The following ADAD1 variants were observed in gnomAD, a reference collection of about 807,000 sequenced individuals.
The protein encoded by ADAD1 is adenosine deaminase domain-containing protein 1.
Under a neutral mutation model 66.8 loss-of-function variants are expected in ADAD1, and 46 were observed. That is an observed-to-expected ratio of 0.69 (90% CI 0.54 to 0.88). The LOEUF is 0.88. ADAD1 is among the 40% of genes least tolerant of loss of function. The pLI is 0.00. For missense variants in ADAD1, 617 were observed against 681.8 expected, an observed-to-expected ratio of 0.91 and a Z score of 1.06; for synonymous variants, 248 against 229.4, an observed-to-expected ratio of 1.08 and a Z score of -0.73.
At chr4:122,415,729 T>C in intron 11 of ADAD1, 113 bp downstream of exon 11, 1 of 925,108 alleles carries the variant, frequency 1.1e-6, no homozygotes, top group South Asian at 1.8e-5. Context: ...TGAACAATAA[T>C]TATTATCATT....
chr4:122,383,403 AC>A (rs1794997933), intron 4 of ADAD1, among the ~76,000 whole-genome samples: 1 of 152,168 alleles, frequency 6.6e-6, no homozygotes, highest in African/African-American at 2.4e-5. Flanking sequence ...AGTTTTAAAG[AC>A]GTTTGTATTT....
chr4:122,393,558 A>G (rs1457865061), intron 5 of ADAD1, 31 bp from the exon 6 acceptor site: 3 of 1,535,458 alleles, frequency 2.0e-6, no homozygotes, highest in Admixed American at 2.1e-5. Flanking sequence ...TTGAAGTTTC[A>G]TGTTTCCTTA....
intron 5 of ADAD1, among the ~76,000 whole-genome samples, chr4:122,386,844 G>A (rs1271657414): frequency 6.6e-6 from 1 of 152,142 alleles, no homozygotes; most frequent in African/African-American, 2.4e-5. Context: ...TCAGATGGTT[G>A]TAGATGTGTG....
intron 9 of ADAD1, 121 bp from the exon 10 acceptor site, chr4:122,412,459 T>C (rs1366652716): frequency 2.8e-5 from 22 of 772,850 alleles, no homozygotes; most frequent in Non-Finnish European, 4.3e-5. Context: ...TCTGTTTCTG[T>C]TACTGGAATT....
chr4:122,404,194 G>C (rs1003494339), intron 7 of ADAD1, among the ~76,000 whole-genome samples: 1 of 152,086 alleles, frequency 6.6e-6, no homozygotes, highest in African/African-American at 2.4e-5. Flanking sequence ...TCACCCCCAT[G>C]GATTCTGCTC....
At chr4:122,407,694 G>A (rs551804718) in intron 7 of ADAD1, among the ~76,000 whole-genome samples, 1 of 152,096 alleles carries the variant, frequency 6.6e-6, no homozygotes, top group African/African-American at 2.4e-5. Flanking sequence ...TAAAACATCT[G>A]CCTTTTTCAT....
At chr4:122,401,528 A>G (rs1426737452) in intron 7 of ADAD1, among the ~76,000 whole-genome samples, 1 of 152,128 alleles carries the variant, frequency 6.6e-6, no homozygotes, top group African/African-American at 2.4e-5. Context: ...TGTAGGGTAT[A>G]GTTTAAGTCC....
At chr4:122,399,923 G>C (rs1795893990) in intron 7 of ADAD1, among the ~76,000 whole-genome samples, 1 of 151,850 alleles carries the variant, frequency 6.6e-6, no homozygotes, top group African/African-American at 2.4e-5. Context: ...GGGTGTTCTA[G>C]ATATGCGATC....
At position 122,422,146 on chromosome 4, in the gene ADAD1, A is replaced by C. The variant is rs1366587223; in HGVS notation, c.1617+756A>C. On this transcript the variant is annotated intron_variant, in intron 12 of 12. Transcript: ENST00000296513. ...CTTTTTTTTTTTTTTTTTTTTTGAGATGGAGTCTCACTCTGTTGTCCAGGC... is the reference window on the plus strand; with the variant it reads ...CTTTTTTTTTTTTTTTTTTTTTGAGCTGGAGTCTCACTCTGTTGTCCAGGC... 3.8e-5 allele frequency among the ~76,000 whole-genome samples: 4 copies of C among 105,692 alleles called. No individual in the cohort carries two copies. The East Asian group carries it at 1.1e-3, about 30-fold the overall frequency. 69.3% of individuals were successfully genotyped at this position (105,692 alleles called of 152,430 possible). A position where few individuals can be genotyped will look rare whatever the true frequency, so the allele number is the denominator to read the frequency against.
intron 5 of ADAD1, among the ~76,000 whole-genome samples, chr4:122,390,782 T>C (rs1454010026): frequency 6.6e-6 from 1 of 152,232 alleles, no homozygotes; most frequent in Non-Finnish European, 1.5e-5. Flanking sequence ...CTTAGCTTGC[T>C]TCTTTGCATT....
intron 11 of ADAD1, among the ~76,000 whole-genome samples, chr4:122,420,576 G>T (rs1369011159): frequency 6.6e-6 from 1 of 152,190 alleles, no homozygotes; most frequent in East Asian, 1.9e-4. Flanking sequence ...TTGATGTGAG[G>T]ATCTGAAAAG....
intron 5 of ADAD1, among the ~76,000 whole-genome samples, chr4:122,386,628 G>A (rs1223185754): frequency 6.6e-6 from 1 of 151,260 alleles, no homozygotes; most frequent in Non-Finnish European, 1.5e-5. Context: ...TGTCCTGAAT[G>A]GTATTGCCTA....
intron 11 of ADAD1, among the ~76,000 whole-genome samples, chr4:122,418,948 A>C (rs1206023301): frequency 6.6e-6 from 1 of 152,196 alleles, no homozygotes; most frequent in East Asian, 1.9e-4. Context: ...AATTAGTTCA[A>C]CCGTTGTGGA....
intron 11 of ADAD1, among the ~76,000 whole-genome samples, chr4:122,419,209 T>C (rs1048485384): frequency 1.3e-5 from 2 of 152,260 alleles, no homozygotes; most frequent in Middle Eastern, 6.8e-3. Context: ...TAAAAAAGAA[T>C]GAGATCATGT....
At chr4:122,400,653 T>A (rs1795931578) in intron 7 of ADAD1, among the ~76,000 whole-genome samples, 1 of 152,014 alleles carries the variant, frequency 6.6e-6, no homozygotes, top group South Asian at 2.1e-4. Context: ...TTGTTGGGAT[T>A]TTTTAGATTA....
chr4:122,391,496 G>A (rs1795441132), intron 5 of ADAD1, among the ~76,000 whole-genome samples: 1 of 152,166 alleles, frequency 6.6e-6, no homozygotes, highest in Non-Finnish European at 1.5e-5. Context: ...AGAGACTATG[G>A]CCACCCCTCC....
rs550335676 is a variant in ADAD1 at position 122,418,272 on chromosome 4, T to C, written c.1487+2656T>C. 4.0e-5 allele frequency among the ~76,000 whole-genome samples: 6 copies of C among 151,020 alleles called. No individual in the cohort carries two copies. In the South Asian group the frequency reaches 8.4e-4, roughly 21 times the overall value. On this transcript the variant is annotated intron_variant, in intron 11 of 12. Transcript: ENST00000296513. ...AGGAAAACATTACTTGCAAAACTTA[T>C]ATATAGAAGGAGGAAAAATATAAAC... is the stretch of plus-strand genomic sequence containing the variant.
intron 7 of ADAD1, among the ~76,000 whole-genome samples, chr4:122,406,356 C>A (rs1305867342): frequency 6.6e-6 from 1 of 151,988 alleles, no homozygotes; most frequent in Non-Finnish European, 1.5e-5. Context: ...GTTTGTATGT[C>A]TTCTATAAAA....
At chr4:122,415,656 G>A in intron 11 of ADAD1, 40 bp downstream of exon 11, 1 of 1,535,586 alleles carries the variant, frequency 6.5e-7, no homozygotes, top group Non-Finnish European at 8.9e-7. Flanking sequence ...TATTACTTAA[G>A]CAAAAGAAGA....
Sources: gnomAD v4.1 joint callset for allele counts (sites outside exome capture counted in the v4.1 genomes callset) on GRCh38, gnomAD v4.1.1 for gene constraint, MANE v1.5 for transcripts, NCBI Gene and HGNC (gene_info 2026-07-23, HGNC 2026-07-21) for gene names.